ITPR1: variants seen among roughly 807,000 people sequenced by gnomAD.
The protein encoded by ITPR1 is inositol 1,4,5-trisphosphate-gated calcium channel ITPR1.
ITPR1 carries 96 observed loss-of-function variants against 318.4 expected under a neutral mutation model. The ratio of observed to expected loss-of-function variants is 0.30; its 90% CI spans 0.26 to 0.36. The LOEUF (loss-of-function observed/expected upper bound fraction) is 0.36, where lower values mean the gene tolerates loss of function less well. Ranked by LOEUF, ITPR1 falls within the 10% of genes least tolerant of loss-of-function variation. The probability of loss-of-function intolerance (pLI) is 1.00; values close to 1 mark genes in which losing one functional copy is unlikely to be tolerated. For synonymous variants in ITPR1, 1,312 were observed against 1,289.9 expected (o/e 1.02, Z -0.37); for missense variants, 2,440 against 3,460.2 (o/e 0.71, Z 7.40).
At chr3:4,581,564 C>A (rs952763041) in intron 4 of ITPR1, among the ~76,000 whole-genome samples, 9 of 152,228 alleles carry the variant, frequency 5.9e-5, no homozygotes, top group African/African-American at 2.2e-4. Context: ...CAACAAGCAA[C>A]ACCCACCCCA....
intron 50 of ITPR1, 97 bp downstream of exon 50, chr3:4,782,838 T>G: frequency 8.4e-7 from 1 of 1,185,590 alleles, no homozygotes; most frequent in East Asian, 2.8e-5. Flanking sequence ...CCTTTATGAC[T>G]TTAACCTAGG....
At chr3:4,549,907 C>T (rs1033947704) in intron 4 of ITPR1, among the ~76,000 whole-genome samples, 3 of 152,142 alleles carry the variant, frequency 2.0e-5, no homozygotes, top group Non-Finnish European at 4.4e-5. Flanking sequence ...AAGAAAAGGA[C>T]GTGGATATGT....
At chr3:4,527,684 T>C (rs541488088) in intron 4 of ITPR1, among the ~76,000 whole-genome samples, 39 of 152,314 alleles carry the variant, frequency 2.6e-4, no homozygotes, top group African/African-American at 8.9e-4. Flanking sequence ...AGTCTGAGTA[T>C]TGTGCAGTCA....
intron 54 of ITPR1, among the ~76,000 whole-genome samples, chr3:4,802,296 A>G (rs1273192577): frequency 1.3e-5 from 2 of 152,082 alleles, no homozygotes; most frequent in African/African-American, 4.8e-5. Flanking sequence ...TATGTTGGAA[A>G]CTCTGTTCCC....
At chr3:4,766,220 C>T (rs191741866) in intron 44 of ITPR1, among the ~76,000 whole-genome samples, 3 of 152,264 alleles carry the variant, frequency 2.0e-5, no homozygotes, top group Non-Finnish European at 2.9e-5. Flanking sequence ...TGTTGTTTTG[C>T]GTGTGTGCAA....
intron 60 of ITPR1, among the ~76,000 whole-genome samples, chr3:4,833,587 C>G (rs2050671958): frequency 6.6e-6 from 1 of 152,232 alleles, no homozygotes; most frequent in African/African-American, 2.4e-5. Context: ...TCTCCTCTCC[C>G]CTGGTCTGGT....
At chr3:4,693,124 C>T (rs1378736506) in intron 32 of ITPR1, among the ~76,000 whole-genome samples, 2 of 151,564 alleles carry the variant, frequency 1.3e-5, no homozygotes, top group African/African-American at 4.8e-5. Context: ...AATTCCATCT[C>T]AAAAAAAATA....
chr3:4,715,877 C>T (rs928492276), intron 39 of ITPR1, among the ~76,000 whole-genome samples: 10 of 152,060 alleles, frequency 6.6e-5, no homozygotes, highest in Non-Finnish European at 1.5e-4. Context: ...AACAAATTAT[C>T]ACATATGATG....
chr3:4,772,959 T>C (rs1170041094), intron 46 of ITPR1, among the ~76,000 whole-genome samples: 1 of 152,242 alleles, frequency 6.6e-6, no homozygotes, highest in East Asian at 1.9e-4. Context: ...GACTTCCCAG[T>C]CCTCTTCCCT....
At chr3:4,623,381 T>C (rs1361052637) in intron 4 of ITPR1, among the ~76,000 whole-genome samples, 3 of 152,346 alleles carry the variant, frequency 2.0e-5, no homozygotes, top group African/African-American at 7.2e-5. Flanking sequence ...TATTCCACCA[T>C]AATTTTTTGA....
At chr3:4,603,336 C>T (rs1176857107) in intron 4 of ITPR1, among the ~76,000 whole-genome samples, 1 of 152,086 alleles carries the variant, frequency 6.6e-6, no homozygotes, top group Non-Finnish European at 1.5e-5. Flanking sequence ...AATGATCACC[C>T]AGGTTGTGAG....
chr3:4,536,081 A>C (rs1210977579), intron 4 of ITPR1, among the ~76,000 whole-genome samples: 2 of 152,164 alleles, frequency 1.3e-5, no homozygotes, highest in Non-Finnish European at 2.9e-5. Flanking sequence ...ATTTCAGGAC[A>C]AAGAGGTTTC....
At chr3:4,628,086 C>T (rs1282798950) in intron 5 of ITPR1, among the ~76,000 whole-genome samples, 1 of 152,118 alleles carries the variant, frequency 6.6e-6, no homozygotes, top group African/African-American at 2.4e-5. Flanking sequence ...TTCTTCTTTT[C>T]TCAGCCACTC....
At chr3:4,809,940 A>T (rs2048830446) in intron 55 of ITPR1, among the ~76,000 whole-genome samples, 1 of 152,166 alleles carries the variant, frequency 6.6e-6, no homozygotes, top group Non-Finnish European at 1.5e-5. Flanking sequence ...GCTTCCCTTT[A>T]AGTATCCTAC....
chr3:4,639,395 C>T lies in ITPR1; in HGVS notation c.291C>T (p.Asp97=). ...VLLNKLHHAA[D]LEKKQNETEN... ...TTCTCAATGCACAGCACGCTGCAGA[C>T]TTGGAAAAGAAGCAGAATGAGACAG... Residue 97 remains aspartate (D), a synonymous_variant, in exon 6 of 62, where the codon GAC becomes GAT. Coordinates refer to ENST00000649015, the MANE Select transcript of ITPR1 (RefSeq NM_001378452.1). The T allele has an allele frequency of 6.4e-7, 1 of 1,568,902 alleles. No homozygotes were observed. The highest frequency in any genetic ancestry group is 8.6e-7 in the Non-Finnish European group (1 of 1,156,566).
chr3:4,677,995 C>G (rs1261563922), intron 24 of ITPR1, among the ~76,000 whole-genome samples: 2 of 152,172 alleles, frequency 1.3e-5, no homozygotes, highest in Non-Finnish European at 2.9e-5. Flanking sequence ...ACAAAATCAT[C>G]TGCTCCTTAA....
At chr3:4,556,944 A>C (rs1437130314) in intron 4 of ITPR1, among the ~76,000 whole-genome samples, 1 of 152,204 alleles carries the variant, frequency 6.6e-6, no homozygotes, top group African/African-American at 2.4e-5. Context: ...ATTGTGCTGA[A>C]TGTTTCGTAT....
At chr3:4,770,155 C>T (rs1459440425) in intron 46 of ITPR1, among the ~76,000 whole-genome samples, 1 of 152,096 alleles carries the variant, frequency 6.6e-6, no homozygotes, top group African/African-American at 2.4e-5. Flanking sequence ...CAGATCTGGC[C>T]AGGGAAGGCA....
At chr3:4,536,822 A>G (rs76962282) in intron 4 of ITPR1, among the ~76,000 whole-genome samples, 4,215 of 152,322 alleles carry the variant, frequency 0.028, 88 homozygotes, top group Non-Finnish European at 0.043. Context: ...TTCCATGAAT[A>G]TGGATAATTG....
Sources: allele counts gnomAD v4.1 joint callset (sites outside exome capture counted in the v4.1 genomes callset), GRCh38; gene constraint gnomAD v4.1.1; transcripts MANE v1.5; gene names NCBI Gene and HGNC (gene_info 2026-07-23, HGNC 2026-07-21).